TAFA1: variants seen among roughly 807,000 people sequenced by gnomAD.
The protein encoded by TAFA1 is TAFA chemokine like family member 1.
A neutral mutation model predicts 18.5 loss-of-function variants in TAFA1; 4 were observed. The ratio of observed to expected loss-of-function variants is 0.22; its 90% CI spans 0.11 to 0.49. TAFA1 has a LOEUF of 0.49. Among genes scored for constraint, TAFA1 ranks in the 20% least tolerant of loss-of-function variants. TAFA1 has a pLI of 0.98. For missense variants in TAFA1, 147 were observed against 169.0 expected (o/e 0.87, Z 0.72); for synonymous variants, 56 against 55.2 (o/e 1.01, Z -0.06).
In TAFA1 at chr3:68,182,033, C is replaced by T. The variant is rs142567045; in HGVS notation, c.118+175289C>T. Among the ~76,000 whole-genome samples, 1,465 of 152,112 alleles carry T rather than the reference C, an allele frequency of 9.6e-3. 12 individuals are homozygous for T. The highest frequency in any genetic ancestry group is 0.019 in the Admixed American group (284 of 15,288). The stretch of plus-strand genomic sequence containing the variant: ...ACCAGCCTGGGCAACATAGTGAGAC[C>T]CCATCTCTACACAAAGCAAAAAACA... On this transcript the variant is annotated intron_variant, in intron 2 of 4. Transcript: ENST00000478136.
At chr3:68,356,970 G>C (rs2069377464) in intron 2 of TAFA1, among the ~76,000 whole-genome samples, 1 of 151,926 alleles carries the variant, frequency 6.6e-6, no homozygotes. Context: ...TTTTACAGCT[G>C]TGTTCCCAGG....
At chr3:68,542,516 A>T (rs2073394020) in intron 4 of TAFA1, among the ~76,000 whole-genome samples, 1 of 152,088 alleles carries the variant, frequency 6.6e-6, no homozygotes, top group African/African-American at 2.4e-5. Context: ...TACCTTTTAT[A>T]TTCAGGAACA....
intron 2 of TAFA1, among the ~76,000 whole-genome samples, chr3:68,151,500 A>C (rs2065805657): frequency 6.6e-6 from 1 of 152,140 alleles, no homozygotes; most frequent in Non-Finnish European, 1.5e-5. Flanking sequence ...ACAGTTCTGG[A>C]GGCTGGGAAG....
intron 2 of TAFA1, among the ~76,000 whole-genome samples, chr3:68,103,844 C>T (rs1412119619): frequency 1.3e-4 from 20 of 152,126 alleles, no homozygotes; most frequent in Admixed American, 1.3e-3. Context: ...TTTATTACCT[C>T]ATCACACAGA....
At chr3:68,540,316 A>C (rs1037140878) in intron 4 of TAFA1, among the ~76,000 whole-genome samples, 2 of 152,124 alleles carry the variant, frequency 1.3e-5, no homozygotes, top group African/African-American at 4.8e-5. Context: ...TCTGTGCCTG[A>C]GTAGCTTAAT....
intron 3 of TAFA1, among the ~76,000 whole-genome samples, chr3:68,489,931 C>T (rs558779834): frequency 8.5e-5 from 13 of 152,232 alleles, no homozygotes; most frequent in African/African-American, 2.9e-4. Flanking sequence ...ATCTTTTTTA[C>T]TTAAATGAAA....
intron 2 of TAFA1, among the ~76,000 whole-genome samples, chr3:68,241,496 A>G (rs1243798348): frequency 1.3e-5 from 2 of 152,194 alleles, no homozygotes; most frequent in Non-Finnish European, 2.9e-5. Context: ...CAAATGAATC[A>G]GCGCAAAGAG....
At chr3:68,067,755 C>T (rs2064699148) in intron 2 of TAFA1, among the ~76,000 whole-genome samples, 1 of 151,936 alleles carries the variant, frequency 6.6e-6, no homozygotes. Context: ...TCCTTCCTTC[C>T]TTTCTTCCCT....
At chr3:68,349,247 A>G (rs2069220807) in intron 2 of TAFA1, among the ~76,000 whole-genome samples, 1 of 151,844 alleles carries the variant, frequency 6.6e-6, no homozygotes, top group Non-Finnish European at 1.5e-5. Context: ...ACCATCTTCA[A>G]ATTCAAAGTT....
At chr3:68,275,749 C>T (rs2067783604) in intron 2 of TAFA1, among the ~76,000 whole-genome samples, 1 of 151,710 alleles carries the variant, frequency 6.6e-6, no homozygotes, top group Non-Finnish European at 1.5e-5. Flanking sequence ...GTAAATAGGG[C>T]AAAAATCAGG....
intron 2 of TAFA1, among the ~76,000 whole-genome samples, chr3:68,229,925 A>G (rs1258122273): frequency 6.6e-6 from 1 of 152,166 alleles, no homozygotes; most frequent in Non-Finnish European, 1.5e-5. Context: ...TTAGAATAGC[A>G]CAGGACCTAT....
intron 2 of TAFA1, among the ~76,000 whole-genome samples, chr3:68,401,450 C>T (rs1471530757): frequency 6.6e-6 from 1 of 152,130 alleles, no homozygotes; most frequent in Non-Finnish European, 1.5e-5. Context: ...GGCTAAAGTT[C>T]AGCGCCCTGC....
At position 68,060,189 on chromosome 3, in the gene TAFA1, T is replaced by C. The variant is rs558885550; in HGVS notation, c.118+53445T>C. ...TCAAAAGTCCACCATTGCAACTGTG[T>C]GTGTGTGTGTGTGTTTGTGTGTGTG... On this transcript the variant is annotated intron_variant, in intron 2 of 4. Transcript: ENST00000478136. 5.0e-5 allele frequency among the ~76,000 whole-genome samples: 7 copies of C among 140,272 alleles called. No homozygotes were observed. The East Asian group carries it at 1.6e-3, about 32-fold the overall frequency. 92.0% of individuals were successfully genotyped at this position (140,272 alleles called of 152,430 possible).
chr3:68,081,936 C>T lies in TAFA1; in HGVS notation c.118+75192C>T, dbSNP rs568345603. Among the ~76,000 whole-genome samples, 42 of 152,230 alleles carry T rather than the reference C, an allele frequency of 2.8e-4. 1 individual carries two copies. Among genetic ancestry groups the T allele is most frequent in the Non-Finnish European group, 5.6e-4 (38 of 68,054 alleles). The stretch of plus-strand genomic sequence containing the variant: ...CCTCGCTGCCACCTTGTAGTTTGAT[C>T]TCAGACTGCTGTGCTAGCAATCAGT... On this transcript the variant is annotated intron_variant, in intron 2 of 4. Transcript: ENST00000478136.
intron 2 of TAFA1, among the ~76,000 whole-genome samples, chr3:68,135,755 C>T (rs2065599889): frequency 6.6e-6 from 1 of 152,174 alleles, no homozygotes; most frequent in African/African-American, 2.4e-5. Context: ...ACAGCTGTTA[C>T]TGAATGACAA....
intron 2 of TAFA1, among the ~76,000 whole-genome samples, chr3:68,300,431 C>T (rs1467779339): frequency 3.9e-5 from 6 of 152,320 alleles, no homozygotes; most frequent in African/African-American, 1.2e-4. Flanking sequence ...CCGCTACCCC[C>T]ATTGTATCTT....
At chr3:68,053,831 G>C (rs913799414) in intron 2 of TAFA1, among the ~76,000 whole-genome samples, 2 of 152,088 alleles carry the variant, frequency 1.3e-5, no homozygotes, top group Non-Finnish European at 2.9e-5. Flanking sequence ...AGCCTCCCAA[G>C]TAGCTCAGAC....
chr3:68,096,005 G>A (rs543101799), intron 2 of TAFA1, among the ~76,000 whole-genome samples: 2 of 152,070 alleles, frequency 1.3e-5, no homozygotes, highest in South Asian at 4.2e-4. Flanking sequence ...GCAATACATT[G>A]TTTTTAACTG....
intron 2 of TAFA1, among the ~76,000 whole-genome samples, chr3:68,030,868 C>T (rs73837247): frequency 0.019 from 2,834 of 152,202 alleles, 97 homozygotes; most frequent in African/African-American, 0.065. Flanking sequence ...TGGTTTGCTC[C>T]TTGTAGCAAT....
Sources: gnomAD v4.1 joint callset for allele counts (sites outside exome capture counted in the v4.1 genomes callset) on GRCh38, gnomAD v4.1.1 for gene constraint, MANE v1.5 for transcripts, NCBI Gene and HGNC (gene_info 2026-07-23, HGNC 2026-07-21) for gene names.